The following MCCC2 variants were observed in gnomAD, a reference collection of about 807,000 sequenced individuals.
MCCC2 encodes the protein methylcrotonyl-CoA carboxylase subunit 2, also known as methylcrotonoyl-CoA carboxylase beta chain, mitochondrial.
In MCCC2, 52 loss-of-function variants were observed where a neutral mutation model predicts 77.2. The ratio of observed to expected loss-of-function variants is 0.67; its 90% confidence interval spans 0.54 to 0.85. The LOEUF is 0.85. Among genes scored for constraint, MCCC2 ranks in the 40% least tolerant of loss-of-function variants. MCCC2 has a pLI of 0.00. For missense variants in MCCC2, 682 were observed against 703.2 expected (o/e 0.97, Z 0.34); for synonymous variants, 253 against 248.4 (o/e 1.02, Z -0.18).
Position 71,656,854 on chromosome 5 carries a change from G to A in MCCC2, c.1686G>A (p.Arg562=). The A allele has an allele frequency of 6.2e-7, 1 of 1,609,798 alleles. No homozygotes were observed. The highest frequency in any genetic ancestry group is 1.7e-5 in the Admixed American group (1 of 60,000). Residue 562 remains arginine, a synonymous_variant, in exon 17 of 17, where the codon AGG becomes AGA. Coordinates refer to ENST00000340941, the MANE Select transcript of MCCC2 (RefSeq NM_022132.5). ...PIEKTDFGIF[R]M The stretch of plus-strand genomic sequence containing the variant: ...AGAAGACTGACTTCGGTATCTTCAG[G>A]ATGTAACTGGAATAAAGGATGTTTT...
chr5:71,627,480 C>T (rs1746571254), intron 7 of MCCC2, among the ~76,000 whole-genome samples: 1 of 152,146 alleles, frequency 6.6e-6, no homozygotes, highest in Non-Finnish European at 1.5e-5. Flanking sequence ...ATCCATTCAT[C>T]AGTTGATGGG....
chr5:71,613,495 G>GT (rs1265466076), intron 6 of MCCC2, among the ~76,000 whole-genome samples: 1 of 152,058 alleles, frequency 6.6e-6, no homozygotes. Flanking sequence ...TTTTATTTTT[G>GT]TTTTTTAAAA....
chr5:71,617,318 G>C (rs1328381918), intron 6 of MCCC2, among the ~76,000 whole-genome samples: 1 of 152,180 alleles, frequency 6.6e-6, no homozygotes, highest in African/African-American at 2.4e-5. Flanking sequence ...TTTACTGGAA[G>C]TAATATTTTC....
intron 6 of MCCC2, among the ~76,000 whole-genome samples, chr5:71,622,880 G>A (rs1580307492): frequency 6.6e-6 from 1 of 152,222 alleles, no homozygotes; most frequent in East Asian, 1.9e-4. Flanking sequence ...GCGGAGGCGG[G>A]CGGATCATGA....
At chr5:71,626,491 T>C (rs1382959329) in intron 6 of MCCC2, 149 bp from the exon 7 acceptor site, 5 of 667,610 alleles carry the variant, frequency 7.5e-6, no homozygotes, top group African/African-American at 1.8e-5. Flanking sequence ...ATTTCAAACA[T>C]TTAGAGGACT....
At position 71,650,699 on chromosome 5, in the gene MCCC2, T is replaced by C. The variant is rs529554855; in HGVS notation, c.1488+516T>C. Among the ~76,000 whole-genome samples, 17 of 152,210 alleles carry C rather than the reference T, an allele frequency of 1.1e-4. No individual in the cohort carries two copies. The South Asian group carries it at 3.3e-3, about 30-fold the overall frequency. On this transcript the variant is annotated intron_variant, in intron 15 of 16. Transcript: ENST00000340941. The stretch of plus-strand genomic sequence containing the variant: ...AGTCTCGCTTTGTCGCCCAGGCTGG[T>C]GTGCAGTGGCACGATCTCGGCTCAC...
At chr5:71,592,735 A>G in intron 1 of MCCC2, 191 bp from the exon 2 acceptor site, 1 of 632,816 alleles carries the variant, frequency 1.6e-6, no homozygotes, top group Non-Finnish European at 2.8e-6. Context: ...CTTGAACAAG[A>G]CAGGCAGGGG....
chr5:71,623,334 G>A (rs1002867971), intron 6 of MCCC2, among the ~76,000 whole-genome samples: 2 of 152,122 alleles, frequency 1.3e-5, no homozygotes, highest in African/African-American at 2.4e-5. Flanking sequence ...CAGTCATCTC[G>A]GAGCTTGACT....
intron 6 of MCCC2, among the ~76,000 whole-genome samples, chr5:71,611,470 A>G (rs1286892030): frequency 6.6e-6 from 1 of 152,216 alleles, no homozygotes; most frequent in East Asian, 1.9e-4. Flanking sequence ...AGAATAACCT[A>G]ACTGTTCATT....
rs1747400706 is a variant in MCCC2 at position 71,650,276 on chromosome 5, T to G, written c.1488+93T>G. The G allele has an allele frequency of 3.8e-6, 4 of 1,044,992 alleles. No homozygotes were observed. The African/African-American group carries it at 6.2e-5, about 16-fold the overall frequency. The allele number at this position is 1,044,992 out of a possible 1,614,324, so 64.7% of individuals were successfully genotyped here. ...GCAGCGTGCCTGGAAGCCCTTGGTG[T>G]TCATGGCTGGGGACCTGGCGCACAC... On this transcript the variant is annotated intron_variant, in intron 15 of 16. Transcript: ENST00000340941.
intron 8 of MCCC2, among the ~76,000 whole-genome samples, chr5:71,633,091 TTATATATATATATATATATATATATA>T (rs137979624): frequency 4.7e-5 from 4 of 84,256 alleles, no homozygotes; most frequent in Non-Finnish European, 6.5e-5. Context: ...TTTTTCAGTT[TTATATATATATATATATATATATATA>T]TATATATATA....
intron 5 of MCCC2, among the ~76,000 whole-genome samples, chr5:71,603,876 A>G (rs1745558727): frequency 6.6e-6 from 1 of 152,132 alleles, no homozygotes; most frequent in South Asian, 2.1e-4. Flanking sequence ...TGGCTAGGAA[A>G]CACACCTATA....
At chr5:71,646,612 C>T (rs759689399) in intron 13 of MCCC2, among the ~76,000 whole-genome samples, 5 of 152,146 alleles carry the variant, frequency 3.3e-5, no homozygotes, top group African/African-American at 4.8e-5. Context: ...GCAATCTGCC[C>T]GCCTTGTTCT....
Position 71,626,700 on chromosome 5 carries a change from GA to G in MCCC2, c.689del (p.Asn230ThrfsTer43), listed in dbSNP as rs2112412398. The G allele has an allele frequency of 1.2e-6, 2 of 1,614,138 alleles. No homozygotes were observed. Among genetic ancestry groups the G allele is most frequent in the Non-Finnish European group, 1.7e-6 (2 of 1,180,024 alleles). On this transcript the variant is annotated frameshift_variant, in exon 7 of 17. Coordinates refer to ENST00000340941, the MANE Select transcript of MCCC2 (RefSeq NM_022132.5). LOFTEE classifies it high-confidence loss of function. ...AGCCTATGTGCCTGCCATGGCTGATGAAAACATCATTGTACGCAAGCAGGGT... is the reference window on the plus strand; with the variant it reads ...AGCCTATGTGCCTGCCATGGCTGATGAAACATCATTGTACGCAAGCAGGGT... ...GGAYVPAMADENIIVRKQGTI... is the reference protein window; with the variant it reads ...GGAYVPAMADXNIIVRKQGTI...
intron 2 of MCCC2, among the ~76,000 whole-genome samples, chr5:71,594,038 A>G (rs926497411): frequency 6.6e-6 from 1 of 152,106 alleles, no homozygotes; most frequent in African/African-American, 2.4e-5. Flanking sequence ...CAAGTAGCTG[A>G]GACTGTACCT....
intron 12 of MCCC2, among the ~76,000 whole-genome samples, chr5:71,645,332 G>A (rs1747246999): frequency 6.6e-6 from 1 of 152,194 alleles, no homozygotes. Flanking sequence ...TCCAGCAGAA[G>A]TAAAGAGAAA....
chr5:71,618,348 C>T (rs1262860529), intron 6 of MCCC2, among the ~76,000 whole-genome samples: 1 of 152,168 alleles, frequency 6.6e-6, no homozygotes, highest in Non-Finnish European at 1.5e-5. Flanking sequence ...CACACTTGCC[C>T]TCTCTTGCCC....
At chr5:71,601,573 C>A (rs1182357451) in intron 4 of MCCC2, among the ~76,000 whole-genome samples, 3 of 152,150 alleles carry the variant, frequency 2.0e-5, no homozygotes, top group Admixed American at 6.6e-5. Flanking sequence ...TTGTGGCGAG[C>A]CCTGCTGGCC....
intron 16 of MCCC2, among the ~76,000 whole-genome samples, chr5:71,654,150 A>G (rs1476709827): frequency 6.6e-6 from 1 of 152,096 alleles, no homozygotes; most frequent in Non-Finnish European, 1.5e-5. Flanking sequence ...ATGTGCCACC[A>G]CACCTGGCTA....
Sources: allele counts gnomAD v4.1 joint callset (sites outside exome capture counted in the v4.1 genomes callset), GRCh38; gene constraint gnomAD v4.1.1; transcripts MANE v1.5; gene names NCBI Gene and HGNC (gene_info 2026-07-23, HGNC 2026-07-21).